DRC8: variants seen among roughly 807,000 people sequenced by gnomAD.
The protein encoded by DRC8 is dynein regulatory complex subunit 8.
the DRC8 span, among the ~76,000 whole-genome samples, chr1:245,023,450 G>C: frequency 6.6e-6 from 1 of 152,218 alleles, no homozygotes; most frequent in East Asian, 1.9e-4. Context: ...AGGAACCACT[G>C]TACTGTTTTC....
At chr1:245,123,108 C>A in the DRC8 span, 1 of 152,160 alleles carries the variant, frequency 6.6e-6, no homozygotes, top group African/African-American at 2.4e-5. The surrounding 1 kb of genome is among the most constrained non-coding windows in gnomAD (Gnocchi z 5.0). Flanking sequence ...TAAAAAGCCT[C>A]ACTTTTTATT....
the DRC8 span, among the ~76,000 whole-genome samples, chr1:244,996,143 T>C: frequency 6.6e-6 from 1 of 152,310 alleles, no homozygotes; most frequent in East Asian, 1.9e-4. Flanking sequence ...GTAGTCAAGA[T>C]GTTGGCTGGG....
the DRC8 span, among the ~76,000 whole-genome samples, chr1:245,121,709 G>A: frequency 2.6e-5 from 4 of 151,988 alleles, no homozygotes; most frequent in Admixed American, 6.6e-5. Context: ...GAACCAAAAC[G>A]AGGGCTGTCC....
At chr1:245,032,002 C>G in the DRC8 span, among the ~76,000 whole-genome samples, 1 of 152,264 alleles carries the variant, frequency 6.6e-6, no homozygotes, top group East Asian at 1.9e-4. Flanking sequence ...ACTAGTGATA[C>G]CACTTTATGC....
At chr1:244,970,516 G>A in the DRC8 span, 4 of 1,501,646 alleles carry the variant, frequency 2.7e-6, no homozygotes, top group Non-Finnish European at 2.6e-6. Flanking sequence ...GGAAGCGCCG[G>A]GTGGGGTGGG....
the DRC8 span, among the ~76,000 whole-genome samples, chr1:245,048,019 C>G: frequency 6.6e-6 from 1 of 150,708 alleles, no homozygotes; most frequent in Non-Finnish European, 1.5e-5. Flanking sequence ...TTTACTCCTC[C>G]TTAAGAGGAG....
At chr1:244,970,563 G>C in the DRC8 span, 1 of 1,351,052 alleles carries the variant, frequency 7.4e-7, no homozygotes. Flanking sequence ...GCAGGGAAAG[G>C]GCGGCCTGAG....
At chr1:244,970,269 C>A in the DRC8 span, 1 of 709,064 alleles carries the variant, frequency 1.4e-6, no homozygotes, top group Non-Finnish European at 2.5e-6. Flanking sequence ...GAGCCTCCTC[C>A]CCGCCCCGCC....
chr1:245,101,623 A>G, the DRC8 span, among the ~76,000 whole-genome samples: 1 of 152,150 alleles, frequency 6.6e-6, no homozygotes, highest in Admixed American at 6.5e-5. Context: ...TCAGTTTTCA[A>G]TATTTTCAAG....
chr1:244,971,798 T>A, the DRC8 span, among the ~76,000 whole-genome samples: 2 of 152,202 alleles, frequency 1.3e-5, no homozygotes, highest in African/African-American at 4.8e-5. Context: ...CAACGATCTC[T>A]CTATTGATAA....
chr1:245,036,287 A>G, the DRC8 span, among the ~76,000 whole-genome samples: 1 of 152,242 alleles, frequency 6.6e-6, no homozygotes, highest in Admixed American at 6.5e-5. Flanking sequence ...TATGCTAAGC[A>G]TCATTAGTCA....
chr1:245,018,460 G>A, the DRC8 span, among the ~76,000 whole-genome samples: 3 of 152,162 alleles, frequency 2.0e-5, no homozygotes, highest in East Asian at 5.8e-4. Context: ...ATTGCATTCT[G>A]TGGGAATGAC....
the DRC8 span, among the ~76,000 whole-genome samples, chr1:244,980,809 T>C: frequency 2.0e-5 from 3 of 152,216 alleles, no homozygotes; most frequent in East Asian, 5.8e-4. Context: ...TGATGTGTGT[T>C]GGATCGCTTG....
the DRC8 span, among the ~76,000 whole-genome samples, chr1:245,096,045 GA>G: frequency 4.2e-3 from 636 of 152,314 alleles, 2 homozygotes; most frequent in African/African-American, 0.014. Flanking sequence ...GCAATGTACT[GA>G]AAGATTCAAT....
chr1:245,052,499 G>A, the DRC8 span, among the ~76,000 whole-genome samples: 1 of 152,214 alleles, frequency 6.6e-6, no homozygotes, highest in Non-Finnish European at 1.5e-5. Context: ...GCAGGATGGC[G>A]GAAAAGAATA....
chr1:245,118,456 C>T, the DRC8 span, among the ~76,000 whole-genome samples: 3 of 152,174 alleles, frequency 2.0e-5, no homozygotes, highest in African/African-American at 7.2e-5. Context: ...ATTTTAAAAA[C>T]GAGTGAGAAA....
chr1:245,005,484 G>A, the DRC8 span, among the ~76,000 whole-genome samples: 1 of 151,900 alleles, frequency 6.6e-6, no homozygotes, highest in Admixed American at 6.6e-5. Flanking sequence ...CTGAGTAGCT[G>A]GGATTACAGG....
chr1:245,103,854 A>C, the DRC8 span, among the ~76,000 whole-genome samples: 7 of 152,288 alleles, frequency 4.6e-5, no homozygotes, highest in African/African-American at 1.7e-4. Flanking sequence ...TATGGCTGGA[A>C]ACTGGTGAGA....
chr1:245,033,943 A>G, the DRC8 span, among the ~76,000 whole-genome samples: 1 of 151,776 alleles, frequency 6.6e-6, no homozygotes, highest in African/African-American at 2.4e-5. Context: ...CCGGTCTTGA[A>G]TTCCTGACCT....
Sources: gnomAD v4.1 joint callset for allele counts (sites outside exome capture counted in the v4.1 genomes callset) on GRCh38, gnomAD v4.1.1 for gene constraint, Gnocchi (gnomAD v3.1) non-coding constraint, MANE v1.5 for transcripts, NCBI Gene and HGNC (gene_info 2026-07-23, HGNC 2026-07-21) for gene names.